Variants in MTUS1 observed in about 807,000 individuals in gnomAD.
MTUS1 encodes microtubule-associated tumor suppressor 1.
MTUS1 carries 109 observed loss-of-function variants against 120.8 expected under a neutral mutation model. That is an observed-to-expected ratio of 0.90 (90% CI 0.77 to 1.06). The LOEUF is 1.06. Among genes scored for constraint, MTUS1 ranks in the 50% least tolerant of loss-of-function variants. The pLI is 0.00. For missense variants in MTUS1, 2,210 were observed against 1,486.3 expected (o/e 1.49, Z -8.01); for synonymous variants, 737 against 550.5 (o/e 1.34, Z -4.74).
At position 17,742,269 on chromosome 8, in the gene MTUS1, G is replaced by GTTTT. The variant is rs1210338239; in HGVS notation, c.2287+1331_2287+1334dup. 8.0e-4 allele frequency among the ~76,000 whole-genome samples: 76 copies of GTTTT among 94,876 alleles called. 3 individuals carry two copies. Among genetic ancestry groups the GTTTT allele is most frequent in the African/African-American group, 2.7e-3 (63 of 23,264 alleles). 62.2% of individuals were successfully genotyped at this position (94,876 alleles called of 152,430 possible). On this transcript the variant is annotated intron_variant, in intron 3 of 14. Transcript: ENST00000693296. ...CACCATCATGCTCTCATGCCCAGCT[G>GTTTT]TTTTTTTTTTTTGTTGTTGTTGTTT...
chr8:17,652,888 T>C (rs769617803), intron 12 of MTUS1, among the ~76,000 whole-genome samples: 6 of 150,428 alleles, frequency 4.0e-5, no homozygotes, highest in Non-Finnish European at 7.4e-5. Context: ...CTCAATACAG[T>C]GATTTTTTTT....
At chr8:17,794,863 T>C (rs531614461) in intron 1 of MTUS1, among the ~76,000 whole-genome samples, 2 of 152,348 alleles carry the variant, frequency 1.3e-5, no homozygotes, top group East Asian at 3.9e-4. Context: ...CTCATATCTA[T>C]GCTGGCTTCT....
In MTUS1 at chr8:17,753,497, C is replaced by T. The variant is rs565960456; in HGVS notation, c.2091+220G>A. Among the ~76,000 whole-genome samples the T allele has an allele frequency of 2.6e-5, 4 of 152,178 alleles. No individual in the cohort carries two copies. In the East Asian group the frequency reaches 5.8e-4, roughly 22 times the overall value. ...TTAAAAGGAACGGTGATACTTGATACAAAATACTGAAATTGAGGATTTTTT... is the reference window on the plus strand; with the variant it reads ...TTAAAAGGAACGGTGATACTTGATATAAAATACTGAAATTGAGGATTTTTT... On this transcript the variant is annotated intron_variant, in intron 2 of 14. Transcript: ENST00000693296.
intron 4 of MTUS1, chr8:17,722,234 A>G: frequency 1.0e-6 from 1 of 998,802 alleles, no homozygotes; most frequent in Non-Finnish European, 1.2e-6. Context: ...AACGGTGGCC[A>G]AGTCAACATG....
rs573376614 is a variant in MTUS1, at chr8:17,765,048, G to A, written c.-154-9087C>T. Reference sequence around the variant, plus strand: ...TAAGTAGACAGTCCCATCTGGAAGTGATGGGAGACAGTGACAGATCATTAG... The same window carrying A: ...TAAGTAGACAGTCCCATCTGGAAGTAATGGGAGACAGTGACAGATCATTAG... On this transcript the variant is annotated intron_variant, in intron 1 of 14. Coordinates refer to ENST00000693296, the MANE Select transcript of MTUS1 (RefSeq NM_001363059.2). 2.2e-3 allele frequency among the ~76,000 whole-genome samples: 335 copies of A among 152,318 alleles called. 1 individual carries two copies. The highest frequency in any genetic ancestry group is 3.6e-3 in the Non-Finnish European group (242 of 68,032).
At chr8:17,709,328 C>T (rs1448123721) in intron 6 of MTUS1, among the ~76,000 whole-genome samples, 2 of 152,030 alleles carry the variant, frequency 1.3e-5, no homozygotes, top group Admixed American at 1.3e-4. Flanking sequence ...CCCAGGTTTC[C>T]CTCACATGAC....
intron 1 of MTUS1, among the ~76,000 whole-genome samples, chr8:17,768,693 T>C (rs1334004915): frequency 6.6e-6 from 1 of 152,104 alleles, no homozygotes; most frequent in Non-Finnish European, 1.5e-5. Flanking sequence ...AAGTGACTTA[T>C]AAGAAGATAG....
chr8:17,732,683 C>T (rs556577121), intron 3 of MTUS1, among the ~76,000 whole-genome samples: 1 of 152,254 alleles, frequency 6.6e-6, no homozygotes, highest in East Asian at 1.9e-4. Flanking sequence ...TCAGATCTCC[C>T]CTTCCCAACA....
intron 6 of MTUS1, among the ~76,000 whole-genome samples, chr8:17,691,645 C>T (rs1271608743): frequency 6.6e-6 from 1 of 151,914 alleles, no homozygotes; most frequent in African/African-American, 2.4e-5. Context: ...CTTTTGATTT[C>T]TTCTACATTC....
chr8:17,772,212 G>C (rs776602953), intron 1 of MTUS1, among the ~76,000 whole-genome samples: 15 of 152,096 alleles, frequency 9.9e-5, no homozygotes, highest in Admixed American at 3.3e-4. Flanking sequence ...CCTACCTTCA[G>C]AACATCGTAT....
intron 7 of MTUS1, chr8:17,681,807 T>C (rs917111944): frequency 6.5e-6 from 1 of 154,580 alleles, no homozygotes; most frequent in African/African-American, 2.4e-5. Context: ...CAAAATAACA[T>C]GAGTTACGTA....
At chr8:17,731,910 A>C (rs1173989008) in intron 3 of MTUS1, among the ~76,000 whole-genome samples, 3 of 152,202 alleles carry the variant, frequency 2.0e-5, no homozygotes, top group Non-Finnish European at 4.4e-5. Flanking sequence ...GAAGAGTTTA[A>C]AAAGTCAAAT....
intron 1 of MTUS1, among the ~76,000 whole-genome samples, chr8:17,765,866 T>C (rs530904423): frequency 2.3e-3 from 344 of 152,204 alleles, no homozygotes; most frequent in Non-Finnish European, 3.3e-3. Context: ...CAAAATCAGG[T>C]ACCATAGGGC....
At chr8:17,676,445 G>A (rs1413618290) in intron 7 of MTUS1, 4 of 652,616 alleles carry the variant, frequency 6.1e-6, no homozygotes, top group East Asian at 2.8e-5. Context: ...CAGGAGGCGC[G>A]CCATTGGCCC....
At chr8:17,661,481 C>T (rs781007219) in intron 8 of MTUS1, among the ~76,000 whole-genome samples, 5 of 152,112 alleles carry the variant, frequency 3.3e-5, no homozygotes, top group East Asian at 1.9e-4. Flanking sequence ...TCGAAGCTGA[C>T]GTTAATAGCA....
At chr8:17,733,255 G>A (rs575427989) in intron 3 of MTUS1, among the ~76,000 whole-genome samples, 1 of 152,026 alleles carries the variant, frequency 6.6e-6, no homozygotes, top group East Asian at 1.9e-4. Context: ...GTAGGCTGAG[G>A]CAGGAGAATC....
chr8:17,757,112 G>A (rs763050267), intron 1 of MTUS1, among the ~76,000 whole-genome samples: 1 of 152,124 alleles, frequency 6.6e-6, no homozygotes, highest in Non-Finnish European at 1.5e-5. Flanking sequence ...CTAAATAGAA[G>A]CACTATTCAT....
chr8:17,664,470 C>G (rs1348887911), intron 8 of MTUS1, among the ~76,000 whole-genome samples: 1 of 144,154 alleles, frequency 6.9e-6, no homozygotes, highest in Admixed American at 6.9e-5. Flanking sequence ...ACCCCGAAAT[C>G]CCCCTCTCTG....
chr8:17,710,134 C>CT (rs761301730), intron 6 of MTUS1, among the ~76,000 whole-genome samples: 10 of 152,146 alleles, frequency 6.6e-5, no homozygotes, highest in Non-Finnish European at 1.2e-4. Context: ...TGGCTGCTGA[C>CT]TGACTGATTA....
Sources: gnomAD v4.1 joint callset for allele counts (sites outside exome capture counted in the v4.1 genomes callset) on GRCh38, gnomAD v4.1.1 for gene constraint, MANE v1.5 for transcripts, NCBI Gene and HGNC (gene_info 2026-07-23, HGNC 2026-07-21) for gene names.